The following AVEN variants were observed in gnomAD, a reference collection of about 807,000 sequenced individuals.
The protein encoded by AVEN is cell death regulator Aven.
A neutral mutation model predicts 38.1 loss-of-function variants in AVEN; 41 were observed. The ratio of observed to expected loss-of-function variants is 1.08; its 90% CI spans 0.84 to 1.40. AVEN has a LOEUF of 1.40. Among genes scored for constraint, AVEN ranks in the 40% most tolerant of loss-of-function variants. The probability of loss-of-function intolerance (pLI) is 0.00; values close to 1 mark genes in which losing one functional copy is unlikely to be tolerated. For missense variants in AVEN, 605 were observed against 438.8 expected, an observed-to-expected ratio of 1.38 and a Z score of -3.38; for synonymous variants, 206 against 171.8, an observed-to-expected ratio of 1.20 and a Z score of -1.56.
chr15:33,968,347 A>G (rs766859447), intron 2 of AVEN, among the ~76,000 whole-genome samples: 1 of 152,112 alleles, frequency 6.6e-6, no homozygotes, highest in Non-Finnish European at 1.5e-5. Context: ...GAGAACACCT[A>G]TCAAAACGAA....
chr15:33,912,657 T>A (rs1483586642), intron 2 of AVEN, among the ~76,000 whole-genome samples: 1 of 152,188 alleles, frequency 6.6e-6, no homozygotes, highest in African/African-American at 2.4e-5. Context: ...GTATGTTCTC[T>A]TTTTAGGGAT....
rs116381660 is a variant in AVEN, at chr15:34,035,986, G to T, written c.267+2794C>A. 7.3e-3 allele frequency among the ~76,000 whole-genome samples: 1,110 copies of T among 152,088 alleles called. 18 individuals are homozygous for T. Among genetic ancestry groups the T allele is most frequent in the African/African-American group, 0.026 (1,075 of 41,446 alleles). ...GTTTTGTATTTTTTTTATAGAGAGG[G>T]GGTCTCGTTATGTTGCCCAGTCTGG... On this transcript the variant is annotated intron_variant, in intron 1 of 5. Coordinates refer to ENST00000306730, the MANE Select transcript of AVEN (RefSeq NM_020371.3).
the AVEN span, chr15:33,853,209 G>C: frequency 4.0e-6 from 4 of 992,834 alleles, no homozygotes; most frequent in Middle Eastern, 2.8e-4. Context: ...ATCTCAAGAA[G>C]AGTAAGTCAC....
At chr15:33,863,917 C>CA (rs34801729), downstream of AVEN, among the ~76,000 whole-genome samples, 2 of 152,146 alleles carry the variant, frequency 1.3e-5, no homozygotes, top group Non-Finnish European at 2.9e-5. Context: ...ATAGGGATGG[C>CA]AAAAAGCATC....
At chr15:34,002,965 A>T in intron 2 of AVEN, 67 bp downstream of exon 2, 2 of 1,355,512 alleles carry the variant, frequency 1.5e-6, no homozygotes, top group Non-Finnish European at 2.0e-6. Context: ...AGAATTTAAA[A>T]ACATATATAA....
chr15:33,982,043 T>A (rs1048607047), intron 2 of AVEN, among the ~76,000 whole-genome samples: 1 of 151,544 alleles, frequency 6.6e-6, no homozygotes, highest in Admixed American at 6.6e-5. Context: ...TTTTTTTTTT[T>A]ATTAGTAGAG....
At chr15:33,944,173 G>A (rs1465004105) in intron 2 of AVEN, among the ~76,000 whole-genome samples, 1 of 152,198 alleles carries the variant, frequency 6.6e-6, no homozygotes, top group Admixed American at 6.5e-5. Flanking sequence ...GAGTCTGAAT[G>A]TGGTCACTGA....
downstream of AVEN, among the ~76,000 whole-genome samples, chr15:33,862,162 G>C (rs965950930): frequency 6.6e-6 from 1 of 151,920 alleles, no homozygotes. Context: ...GCTGGGCTCT[G>C]CTCCCCAGCC....
intron 2 of AVEN, among the ~76,000 whole-genome samples, chr15:33,923,146 A>C (rs1354608886): frequency 6.6e-6 from 1 of 151,876 alleles, no homozygotes; most frequent in African/African-American, 2.4e-5. Context: ...TAAGAGAGAG[A>C]GAGAGATAAG....
chr15:33,860,535 T>C (rs2153016244), intron 11 of AVEN: 1 of 982,736 alleles, frequency 1.0e-6, no homozygotes, highest in Non-Finnish European at 1.5e-6. Context: ...TCTTCCTTTA[T>C]CATTCCTCTA....
chr15:34,018,336 G>A (rs570057297), intron 1 of AVEN: 49 of 152,324 alleles, frequency 3.2e-4, no homozygotes, highest in South Asian at 6.2e-4. Flanking sequence ...AGACCGTCGC[G>A]GTGTGTTACA....
chr15:33,866,293 G>A lies in AVEN; in HGVS notation c.*320C>T. The A allele has an allele frequency of 3.4e-6, 1 of 293,334 alleles. No homozygotes were observed. Among genetic ancestry groups the A allele is most frequent in the East Asian group, 6.6e-5 (1 of 15,260 alleles). 18.2% of individuals were successfully genotyped at this position (293,334 alleles called of 1,614,324 possible). A position where few individuals can be genotyped will look rare whatever the true frequency, so the allele number is the denominator to read the frequency against. ...TTGTTTGCATCTATTCTCTTAATCAGCAGCAGCATCTGCTATGCTGTAAAC... is the reference window on the plus strand; with the variant it reads ...TTGTTTGCATCTATTCTCTTAATCAACAGCAGCATCTGCTATGCTGTAAAC... On this transcript the variant is annotated 3_prime_UTR_variant, in exon 6 of 6. Transcript: ENST00000306730.
At chr15:33,880,507 G>T (rs1187414657) in intron 2 of AVEN, among the ~76,000 whole-genome samples, 3 of 152,162 alleles carry the variant, frequency 2.0e-5, no homozygotes, top group Non-Finnish European at 2.9e-5. Context: ...CCTGATGACT[G>T]CATCCTGTAA....
At chr15:33,907,862 G>T (rs1184454649) in intron 2 of AVEN, among the ~76,000 whole-genome samples, 1 of 150,154 alleles carries the variant, frequency 6.7e-6, no homozygotes, top group Non-Finnish European at 1.5e-5. Flanking sequence ...GAAAAAAATG[G>T]GTGAAATGTA....
Position 34,072,605 on chromosome 15 carries a change from CA to C in AVEN, n.720+1830del, listed in dbSNP as rs150270404. Among the ~76,000 whole-genome samples the C allele has an allele frequency of 3.5e-3, 514 of 146,172 alleles. 7 individuals are homozygous for C. Among genetic ancestry groups the C allele is most frequent in the Middle Eastern group, 0.024 (7 of 290 alleles). On this transcript the variant is annotated intron_variant and non_coding_transcript_variant, in intron 1 of 11. Coordinates refer to the AVEN transcript ENST00000675287. ...AGCCTGGGCAACAGAGATTCTGTAT[CA>C]AAAAAAAAAATTACCTGTAATTTTA... is the stretch of plus-strand genomic sequence containing the variant.
intron 2 of AVEN, among the ~76,000 whole-genome samples, chr15:33,926,028 C>T (rs1443784781): frequency 6.6e-6 from 1 of 152,164 alleles, no homozygotes; most frequent in African/African-American, 2.4e-5. Context: ...ACGCCATTTT[C>T]ATTTGTGCTA....
chr15:33,855,685 C>A (rs189477462), downstream of AVEN, among the ~76,000 whole-genome samples: 41 of 151,870 alleles, frequency 2.7e-4, no homozygotes, highest in African/African-American at 9.2e-4. Flanking sequence ...TACACACACA[C>A]ATATGTATAT....
intron 2 of AVEN, among the ~76,000 whole-genome samples, chr15:33,974,025 T>C (rs1749532888): frequency 6.6e-6 from 1 of 152,182 alleles, no homozygotes; most frequent in South Asian, 2.1e-4. Context: ...TATAAGGAGA[T>C]AATATCTGTT....
intron 5 of AVEN, among the ~76,000 whole-genome samples, chr15:34,052,572 T>C (rs1291045826): frequency 1.3e-5 from 2 of 152,242 alleles, no homozygotes; most frequent in Non-Finnish European, 2.9e-5. Context: ...TGTTTGCAGA[T>C]AATATAATTC....
Sources: gnomAD v4.1 joint callset for allele counts (sites outside exome capture counted in the v4.1 genomes callset) on GRCh38, gnomAD v4.1.1 for gene constraint, MANE v1.5 for transcripts, NCBI Gene and HGNC (gene_info 2026-07-23, HGNC 2026-07-21) for gene names.